HORMAD2: variants seen among roughly 807,000 people sequenced by gnomAD.
HORMAD2 encodes the protein HORMA domain-containing protein 2.
HORMAD2 carries 45 observed loss-of-function variants against 38.8 expected under a neutral mutation model. That is an observed-to-expected ratio of 1.16 (90% CI 0.91 to 1.49). The LOEUF (loss-of-function observed/expected upper bound fraction) is 1.49. Among genes scored for constraint, HORMAD2 ranks in the 40% most tolerant of loss-of-function variants. HORMAD2 has a pLI of 0.00. For missense variants in HORMAD2, 338 were observed against 367.0 expected (o/e 0.92, Z 0.65); for synonymous variants, 126 against 122.8 (o/e 1.03, Z -0.17).
the HORMAD2 span, among the ~76,000 whole-genome samples, chr22:30,187,876 G>A: frequency 3.3e-5 from 5 of 152,008 alleles, no homozygotes; most frequent in African/African-American, 1.2e-4. Context: ...TTTCTTAGGG[G>A]CAAGGTAGCA....
chr22:30,094,851 T>C (rs939085430), intron 2 of HORMAD2, among the ~76,000 whole-genome samples: 2 of 152,230 alleles, frequency 1.3e-5, no homozygotes, highest in African/African-American at 4.8e-5. Context: ...CAAAATTGGC[T>C]GACTGGTTTT....
the HORMAD2 span, among the ~76,000 whole-genome samples, chr22:30,191,674 C>T: frequency 6.6e-6 from 1 of 152,108 alleles, no homozygotes; most frequent in African/African-American, 2.4e-5. Flanking sequence ...TACATAGAAA[C>T]TAAATTGTTT....
intron 10 of HORMAD2, among the ~76,000 whole-genome samples, chr22:30,128,799 G>A (rs1441767417): frequency 6.6e-6 from 1 of 152,174 alleles, no homozygotes; most frequent in East Asian, 1.9e-4. Context: ...TCAAGATAGA[G>A]TATATGATTA....
the HORMAD2 span, among the ~76,000 whole-genome samples, chr22:30,183,470 A>G: frequency 4.1e-4 from 62 of 152,304 alleles, no homozygotes; most frequent in South Asian, 0.012. Context: ...GTTAATCACA[A>G]TACCAGTCAA....
chr22:30,090,412 T>C (rs567779600), intron 1 of HORMAD2, among the ~76,000 whole-genome samples: 4 of 152,304 alleles, frequency 2.6e-5, no homozygotes, highest in Non-Finnish European at 5.9e-5. Context: ...TATTCCATTG[T>C]AAATACCACA....
chr22:30,126,746 T>A (rs1330837265), intron 10 of HORMAD2, among the ~76,000 whole-genome samples: 1 of 152,180 alleles, frequency 6.6e-6, no homozygotes. Flanking sequence ...ATATTTAGTT[T>A]TAACAGATAG....
chr22:30,199,882 G>C, the HORMAD2 span, among the ~76,000 whole-genome samples: 1 of 151,712 alleles, frequency 6.6e-6, no homozygotes, highest in Non-Finnish European at 1.5e-5. Context: ...GGCTGAGGTG[G>C]GTGGATCACT....
intron 7 of HORMAD2, among the ~76,000 whole-genome samples, chr22:30,118,639 A>G (rs910980752): frequency 1.3e-5 from 2 of 152,254 alleles, no homozygotes; most frequent in Non-Finnish European, 2.9e-5. Flanking sequence ...CAAAGTAGAC[A>G]TTCAATACAA....
At chr22:30,102,961 T>A (rs1279240282) in intron 3 of HORMAD2, among the ~76,000 whole-genome samples, 2 of 152,178 alleles carry the variant, frequency 1.3e-5, no homozygotes, top group African/African-American at 4.8e-5. Flanking sequence ...ATATTCCTAT[T>A]CTTCTTAAGT....
intron 10 of HORMAD2, among the ~76,000 whole-genome samples, chr22:30,167,915 A>G (rs1175601902): frequency 6.6e-6 from 1 of 152,172 alleles, no homozygotes; most frequent in African/African-American, 2.4e-5. Flanking sequence ...AAGTCATTTC[A>G]CTTCTCTGAG....
At chr22:30,166,757 T>C (rs1175623712) in intron 10 of HORMAD2, among the ~76,000 whole-genome samples, 2 of 152,222 alleles carry the variant, frequency 1.3e-5, no homozygotes, top group Non-Finnish European at 2.9e-5. Flanking sequence ...TGGATATTCA[T>C]TAGAAAGAAA....
intron 10 of HORMAD2, among the ~76,000 whole-genome samples, chr22:30,164,100 T>C (rs2123721661): frequency 6.6e-6 from 1 of 152,336 alleles, no homozygotes; most frequent in South Asian, 2.1e-4. Flanking sequence ...GTCCTCAAGG[T>C]TCATCCATGT....
intron 1 of HORMAD2, among the ~76,000 whole-genome samples, chr22:30,081,970 G>A (rs2068486293): frequency 6.6e-6 from 1 of 152,028 alleles, no homozygotes; most frequent in African/African-American, 2.4e-5. Flanking sequence ...TTTAGGTTAA[G>A]TTTCTTTTAA....
intron 10 of HORMAD2, among the ~76,000 whole-genome samples, chr22:30,143,082 GCTT>G (rs1448253379): frequency 1.3e-5 from 2 of 151,958 alleles, no homozygotes; most frequent in Non-Finnish European, 2.9e-5. Flanking sequence ...CTCCTACTCA[GCTT>G]CTTTGTGCTA....
At chr22:30,095,856 C>T (rs559509874) in intron 2 of HORMAD2, among the ~76,000 whole-genome samples, 60 of 152,070 alleles carry the variant, frequency 3.9e-4, no homozygotes, top group Non-Finnish European at 6.3e-4. Flanking sequence ...TGAATTTTTA[C>T]GAACTTAACA....
Position 30,085,408 on chromosome 22 carries a change from T to A in HORMAD2, c.-38+4917T>A, listed in dbSNP as rs563359751. Among the ~76,000 whole-genome samples the A allele has an allele frequency of 1.3e-4, 20 of 152,292 alleles. No individual in the cohort carries two copies. The East Asian group carries it at 3.7e-3, about 28-fold the overall frequency. On this transcript the variant is annotated intron_variant, in intron 1 of 10. Coordinates refer to ENST00000336726, the MANE Select transcript of HORMAD2 (RefSeq NM_152510.4). ...GATGGTTTATACTATATTAAACAGA[T>A]GGTTGCAGAATTTTGTGAATATACT...
chr22:30,127,785 G>A (rs1211196916), intron 10 of HORMAD2, among the ~76,000 whole-genome samples: 1 of 152,206 alleles, frequency 6.6e-6, no homozygotes, highest in Non-Finnish European at 1.5e-5. Flanking sequence ...GACCAAACAT[G>A]CACTTCCTCA....
chr22:30,103,453 C>T lies in HORMAD2; in HGVS notation c.210C>T (p.Ile70=). ...TTTTTGTAGACCTCAGTTTAAAAAT[C>T]CTCCGAGAAGATAAAAAATGTCCCG... ...ERHLDDLSLK[I]LREDKKCPGS... Residue 70 remains isoleucine (I), a synonymous_variant, in exon 4 of 11, where the codon ATC becomes ATT. Coordinates refer to ENST00000336726, the MANE Select transcript of HORMAD2 (RefSeq NM_152510.4). 6.5e-7 allele frequency: 1 copy of T among 1,537,894 alleles called. No individual in the cohort carries two copies. Among genetic ancestry groups the T allele is most frequent in the Non-Finnish European group, 8.8e-7 (1 of 1,133,084 alleles).
chr22:30,200,436 C>T, the HORMAD2 span, among the ~76,000 whole-genome samples: 9 of 152,114 alleles, frequency 5.9e-5, no homozygotes, highest in East Asian at 1.9e-4. Flanking sequence ...ATGTGATTTA[C>T]GGCTTTGGGT....
Sources: gnomAD v4.1 joint callset for allele counts (sites outside exome capture counted in the v4.1 genomes callset) on GRCh38, gnomAD v4.1.1 for gene constraint, MANE v1.5 for transcripts, NCBI Gene and HGNC (gene_info 2026-07-23, HGNC 2026-07-21) for gene names.